The following ADI1 variants were observed in gnomAD, a reference collection of about 807,000 sequenced individuals.
The protein encoded by ADI1 is acireductone dioxygenase.
ADI1 carries 21 observed loss-of-function variants against 18.7 expected under a neutral mutation model. The observed-to-expected ratio is 1.13, with a 90% CI of 0.80 to 1.62. ADI1 has a LOEUF of 1.62. Among genes scored for constraint, ADI1 ranks in the 40% most tolerant of loss-of-function variants. The pLI is 0.00. For missense variants in ADI1, 245 were observed against 254.9 expected, an observed-to-expected ratio of 0.96 and a Z score of 0.26; for synonymous variants, 90 against 100.1, an observed-to-expected ratio of 0.90 and a Z score of 0.60.
At chr2:3,507,987 C>A (rs909214230) in intron 2 of ADI1, among the ~76,000 whole-genome samples, 2 of 151,464 alleles carry the variant, frequency 1.3e-5, no homozygotes, top group East Asian at 1.9e-4. Context: ...AAAGCAGAAT[C>A]ATATAAAATG....
rs990430818 is a variant in ADI1 at position 3,503,148 on chromosome 2, C to T, written c.241-2155G>A. On this transcript the variant is annotated intron_variant, in intron 2 of 3. Coordinates refer to ENST00000327435, the MANE Select transcript of ADI1 (RefSeq NM_018269.4). ...ACACAAACCTACACACGCACACACA[C>T]GTACACGCTCTCACATGCGTACATT... Among the ~76,000 whole-genome samples the T allele has an allele frequency of 3.9e-5, 6 of 151,982 alleles. No homozygotes were observed. In the East Asian group the frequency reaches 5.8e-4, roughly 15 times the overall value.
At chr2:3,503,306 C>A (rs534425798) in intron 2 of ADI1, among the ~76,000 whole-genome samples, 1 of 85,784 alleles carries the variant, frequency 1.2e-5, no homozygotes, top group African/African-American at 9.3e-5. Context: ...CACATACACA[C>A]TGACACGCAC....
At chr2:3,511,861 C>T (rs968203181) in intron 2 of ADI1, among the ~76,000 whole-genome samples, 2 of 152,196 alleles carry the variant, frequency 1.3e-5, no homozygotes, top group Non-Finnish European at 1.5e-5. Flanking sequence ...AGGAATTTAT[C>T]GGGAACTGGA....
chr2:3,512,045 T>C (rs1029611850), intron 2 of ADI1, among the ~76,000 whole-genome samples: 2 of 152,236 alleles, frequency 1.3e-5, no homozygotes, highest in Admixed American at 1.3e-4. Flanking sequence ...TATGCGCAGA[T>C]GCAAGGGCAA....
chr2:3,508,920 G>A (rs1018992030), intron 2 of ADI1, among the ~76,000 whole-genome samples: 3 of 149,296 alleles, frequency 2.0e-5, no homozygotes, highest in African/African-American at 5.0e-5. Context: ...AAGAAGGGAA[G>A]GGAAGGGGAA....
chr2:3,508,087 C>T (rs1050539960), intron 2 of ADI1, among the ~76,000 whole-genome samples: 1 of 152,032 alleles, frequency 6.6e-6, no homozygotes, highest in African/African-American at 2.4e-5. Flanking sequence ...GTAATCCCAG[C>T]ACTTTGGGAG....
intron 1 of ADI1, chr2:3,515,122 G>C (rs1667371447): frequency 4.0e-6 from 1 of 248,508 alleles, no homozygotes; most frequent in African/African-American, 2.3e-5. Context: ...AGGGAACAAG[G>C]GAAGACAACC....
chr2:3,508,374 C>G (rs1327364578), intron 2 of ADI1, among the ~76,000 whole-genome samples: 1 of 104,044 alleles, frequency 9.6e-6, no homozygotes, highest in Non-Finnish European at 2.2e-5. Context: ...TAACAAAGAA[C>G]AAGCACAACA....
At chr2:3,512,387 A>C (rs935043024) in intron 2 of ADI1, among the ~76,000 whole-genome samples, 1 of 152,266 alleles carries the variant, frequency 6.6e-6, no homozygotes, top group African/African-American at 2.4e-5. Flanking sequence ...TCACAGAGCC[A>C]GAGGTCTAAA....
chr2:3,516,776 G>A, intron 1 of ADI1: 1 of 985,346 alleles, frequency 1.0e-6, no homozygotes, highest in Non-Finnish European at 1.2e-6. Context: ...ATGACAAAAG[G>A]TTTTTTAGAA....
chr2:3,510,636 T>G (rs1667278034), intron 2 of ADI1, among the ~76,000 whole-genome samples: 1 of 152,132 alleles, frequency 6.6e-6, no homozygotes, highest in South Asian at 2.1e-4. Flanking sequence ...ATTAAAAGGA[T>G]AATAGAAAAT....
intron 2 of ADI1, 109 bp from the exon 3 acceptor site, chr2:3,501,102 G>A: frequency 1.1e-6 from 1 of 894,966 alleles, no homozygotes; most frequent in South Asian, 1.8e-5. Context: ...GAGGTGAATG[G>A]GACTTCTCTC....
In ADI1 at chr2:3,516,084, G is replaced by A. The variant is rs543900888; in HGVS notation, c.121-2108C>T. On this transcript the variant is annotated intron_variant, in intron 1 of 3. Coordinates refer to ENST00000327435, the MANE Select transcript of ADI1 (RefSeq NM_018269.4). ...ACACGTGTCATAAGTTTAAATATAC[G>A]AATGTTGAAACTTAACACAAATGTG... The A allele has an allele frequency of 8.8e-5, 86 of 973,194 alleles. 1 individual carries two copies. The African/African-American group carries it at 9.1e-4, about 10-fold the overall frequency. 60.3% of individuals were successfully genotyped at this position (973,194 alleles called of 1,614,324 possible). A position where few individuals can be genotyped will look rare whatever the true frequency, so the allele number is the denominator to read the frequency against.
rs370568046 is a variant in ADI1 at position 3,502,042 on chromosome 2, C to CATA, written c.241-1050_241-1049insTAT. Among the ~76,000 whole-genome samples, 75 of 45,356 alleles carry CATA rather than the reference C, an allele frequency of 1.7e-3. 1 individual carries two copies. The African/African-American group carries it at 0.021, about 13-fold the overall frequency. The allele number at this position is 45,356 out of a possible 152,430, so 29.8% of individuals were successfully genotyped here. On this transcript the variant is annotated intron_variant, in intron 2 of 3. Transcript: ENST00000327435. ...ACACACACACACACACACACACACACAGAGACAGGGTTTCACTCTGTTGCT... is the reference window on the plus strand; with the variant it reads ...ACACACACACACACACACACACACACATAAGAGACAGGGTTTCACTCTGTTGCT...
In ADI1 at chr2:3,498,150, A is replaced by G. The variant is rs959374733; in HGVS notation, c.*813T>C. 3 of 152,222 alleles carry G rather than the reference A, an allele frequency of 2.0e-5. No individual in the cohort carries two copies. The highest frequency in any genetic ancestry group is 7.2e-5 in the African/African-American group (3 of 41,456). 9.4% of individuals were successfully genotyped at this position (152,222 alleles called of 1,614,324 possible). A position where few individuals can be genotyped will look rare whatever the true frequency, so the allele number is the denominator to read the frequency against. On this transcript the variant is annotated 3_prime_UTR_variant, in exon 4 of 4. Coordinates refer to ENST00000327435, the MANE Select transcript of ADI1 (RefSeq NM_018269.4). Reference sequence around the variant, plus strand: ...CCAGTTAAAAAAAGAAATACTTTAAAAACGACCTGCCCTTCCAAAACATGA... The same window carrying G: ...CCAGTTAAAAAAAGAAATACTTTAAGAACGACCTGCCCTTCCAAAACATGA...
intron 1 of ADI1, among the ~76,000 whole-genome samples, chr2:3,518,608 AC>A (rs1471206629): frequency 6.6e-6 from 1 of 151,050 alleles, no homozygotes; most frequent in African/African-American, 2.4e-5. Flanking sequence ...CCCACTGGAG[AC>A]GCCCCCACCC....
At position 3,516,912 on chromosome 2, in the gene ADI1, TTTTG is replaced by T; in HGVS notation, c.120+2452_120+2455del. On this transcript the variant is annotated intron_variant, in intron 1 of 3. Coordinates refer to ENST00000327435, the MANE Select transcript of ADI1 (RefSeq NM_018269.4). ...TTAATATGGGGTGTGTGTGTGGCTT[TTTTG>T]TTTTTTGGGTTTTTTTAGAGATGAG... is the stretch of plus-strand genomic sequence containing the variant. The T allele has an allele frequency of 1.6e-5, 10 of 626,490 alleles. No homozygotes were observed. In the South Asian group the frequency reaches 5.6e-4, roughly 35 times the overall value. 38.8% of individuals were successfully genotyped at this position (626,490 alleles called of 1,614,324 possible). A position where few individuals can be genotyped will look rare whatever the true frequency, so the allele number is the denominator to read the frequency against.
rs1267893068 is a variant in ADI1 at position 3,498,190 on chromosome 2, T to C, written c.*773A>G. ...CCAAAACATGAAGTTAACTTGGAGTTTTTCTGTGATATGACAAACTAGGCA... is the reference window on the plus strand; with the variant it reads ...CCAAAACATGAAGTTAACTTGGAGTCTTTCTGTGATATGACAAACTAGGCA... On this transcript the variant is annotated 3_prime_UTR_variant, in exon 4 of 4. Coordinates refer to ENST00000327435, the MANE Select transcript of ADI1 (RefSeq NM_018269.4). The C allele has an allele frequency of 6.6e-6, 1 of 152,230 alleles. No homozygotes were observed. The highest frequency in any genetic ancestry group is 1.5e-5 in the Non-Finnish European group (1 of 68,038). 9.4% of individuals were successfully genotyped at this position (152,230 alleles called of 1,614,324 possible).
Position 3,500,585 on chromosome 2 carries a change from C to A in ADI1, c.420+229G>T, listed in dbSNP as rs115172755. 3 of 626,010 alleles carry A rather than the reference C, an allele frequency of 4.8e-6. No homozygotes were observed. In the African/African-American group the frequency reaches 5.5e-5, roughly 12 times the overall value. The allele number at this position is 626,010 out of a possible 1,614,324, so 38.8% of individuals were successfully genotyped here. The stretch of plus-strand genomic sequence containing the variant: ...CCCCGCCTGGGTATGAAATGCACAC[C>A]TGTCCACCAGGATCGCAGGCAGGGG... On this transcript the variant is annotated intron_variant, in intron 3 of 3. Coordinates refer to ENST00000327435, the MANE Select transcript of ADI1 (RefSeq NM_018269.4).
Sources: gnomAD v4.1 joint callset for allele counts (sites outside exome capture counted in the v4.1 genomes callset) on GRCh38, gnomAD v4.1.1 for gene constraint, MANE v1.5 for transcripts, NCBI Gene and HGNC (gene_info 2026-07-23, HGNC 2026-07-21) for gene names.